The following KRT23 variants were observed in gnomAD, a reference collection of about 807,000 sequenced individuals.
KRT23 encodes keratin 23, also known as keratin, type I cytoskeletal 23.
In KRT23, 38 loss-of-function variants were observed where a neutral mutation model predicts 47.6. The observed-to-expected ratio is 0.80, with a 90% CI of 0.62 to 1.05. The LOEUF is 1.05. Among genes scored for constraint, KRT23 ranks in the 50% least tolerant of loss-of-function variants. The pLI, the probability that KRT23 is intolerant of heterozygous loss-of-function variation, is 0.00. For missense variants in KRT23, 503 were observed against 529.5 expected (o/e 0.95, Z 0.49); for synonymous variants, 191 against 199.0 (o/e 0.96, Z 0.34).
In KRT23 at chr17:40,925,484, C is replaced by T; in HGVS notation, c.1012G>A (p.Glu338Lys). The change falls in exon 7 of 9, where the codon GAG (glutamate) becomes AAG (lysine). Residue 338 changes from glutamate (E) to lysine (K), a missense_variant. By Grantham distance (56) the Glu-to-Lys change is moderately conservative (BLOSUM62 1). Coordinates refer to ENST00000209718, the MANE Select transcript of KRT23 (RefSeq NM_015515.5). ...DMQEIISHYE[E>K]ELTQLRHELE... is the part of the protein sequence containing the mutation. ...TCATGGCGTAGCTGCGTCAGTTCCTCCTCATAGTGGGAGATGATCTCTTGC... is the reference window on the plus strand; with the variant it reads ...TCATGGCGTAGCTGCGTCAGTTCCTTCTCATAGTGGGAGATGATCTCTTGC... The T allele has an allele frequency of 6.2e-7, 1 of 1,614,152 alleles. No homozygotes were observed. Among genetic ancestry groups the T allele is most frequent in the Non-Finnish European group, 8.5e-7 (1 of 1,180,004 alleles).
rs1211761893 is a variant in KRT23 at position 40,923,065 on chromosome 17, A to T, written c.1193T>A (p.Ile398Asn). The T allele has an allele frequency of 6.2e-7, 1 of 1,613,560 alleles. No individual in the cohort carries two copies. Among genetic ancestry groups the T allele is most frequent in the Admixed American group, 1.7e-5 (1 of 60,018 alleles). Residue 398 changes from isoleucine (I) to asparagine (N), a missense_variant, in exon 9 of 9, where the codon ATC becomes AAC. Ile to Asn is a moderately radical substitution (Grantham distance 149). Transcript: ENST00000209718. ...SSMKVSATPKIKAITQETING... is the reference protein window; with the variant it reads ...SSMKVSATPKNKAITQETING... ...GATGGTCTCCTGGGTTATGGCCTTG[A>T]TCTTTGGAGTTGCAGACACTGAGAA... is the stretch of plus-strand genomic sequence containing the variant.
chr17:40,923,181 C>T, intron 8 of KRT23, 98 bp from the exon 9 acceptor site: 1 of 846,712 alleles, frequency 1.2e-6, no homozygotes, highest in Non-Finnish European at 1.9e-6. Flanking sequence ...TGAAGGCTCT[C>T]AGTGCCTTCC....
At chr17:40,926,019 A>C (rs963510562) in intron 6 of KRT23, among the ~76,000 whole-genome samples, 1 of 150,574 alleles carries the variant, frequency 6.6e-6, no homozygotes, top group Non-Finnish European at 1.5e-5. Context: ...GGGACATGCA[A>C]AAAAAATTGC....
chr17:40,924,328 A>G, intron 8 of KRT23, 144 bp downstream of exon 8: 1 of 628,050 alleles, frequency 1.6e-6, no homozygotes, highest in East Asian at 2.8e-5. Context: ...TGTATTAGCT[A>G]ATTTGTTCAT....
At chr17:40,928,762 G>C (rs1358293383) in intron 4 of KRT23, 155 bp from the exon 5 acceptor site, 4 of 631,336 alleles carry the variant, frequency 6.3e-6, no homozygotes, top group South Asian at 2.2e-5. Context: ...TTACTTACTT[G>C]TTGGTGATAA....
intron 6 of KRT23, 22 bp downstream of exon 6, chr17:40,928,216 G>C (rs371474469): frequency 2.2e-5 from 36 of 1,613,564 alleles, no homozygotes; most frequent in Non-Finnish European, 3.0e-5. Flanking sequence ...TGGGATTCAC[G>C]GTTTTCCTAG....
At position 40,928,554 on chromosome 17, in the gene KRT23, A is replaced by T. The variant is rs188613400; in HGVS notation, c.690T>A (p.Asp230Glu). 4.3e-6 allele frequency: 7 copies of T among 1,613,870 alleles called. No homozygotes were observed. In the African/African-American group the frequency reaches 9.3e-5, roughly 22 times the overall value. Residue 230 changes from aspartate (D) to glutamate (E), a missense_variant, in exon 5 of 9, where the codon GAT becomes GAA. Coordinates refer to ENST00000209718, the MANE Select transcript of KRT23 (RefSeq NM_015515.5). ...TAATCAGATCTTCCCTGGGACCTGT[A>T]TCCACCTTCACATTGACATTGAAGT... ...PSDFNVNVKV[D>E]TGPREDLIKV... is the part of the protein sequence containing the mutation.
intron 2 of KRT23, 152 bp downstream of exon 2, chr17:40,936,056 A>G (rs1434490245): frequency 2.1e-5 from 16 of 751,426 alleles, no homozygotes; most frequent in Non-Finnish European, 3.2e-5. Context: ...TTTAAGATAT[A>G]ATAAGAAAAC....
intron 6 of KRT23, 21 bp from the exon 7 acceptor site, chr17:40,925,595 C>T (rs750034019): frequency 1.3e-6 from 2 of 1,555,646 alleles, no homozygotes; most frequent in East Asian, 2.3e-5. Context: ...AAATGATCTT[C>T]TGTTAATTAA....
At chr17:40,932,841 C>T (rs940807454) in intron 2 of KRT23, among the ~76,000 whole-genome samples, 1 of 152,192 alleles carries the variant, frequency 6.6e-6, no homozygotes, top group East Asian at 1.9e-4. Flanking sequence ...TTAGAGATGG[C>T]ATGAATGCTG....
rs1456420483 is a variant in KRT23, at chr17:40,936,756, C to T, written c.-153G>A. Reference sequence around the variant, plus strand: ...GTACCAACAAGATTGTATCATTGTGCAACTTGTGTTTCCTCTTGGTCAATC... The same window carrying T: ...GTACCAACAAGATTGTATCATTGTGTAACTTGTGTTTCCTCTTGGTCAATC... On this transcript the variant is annotated 5_prime_UTR_variant, in exon 2 of 9. Transcript: ENST00000209718. 5 of 681,406 alleles carry T rather than the reference C, an allele frequency of 7.3e-6. No homozygotes were observed. The highest frequency in any genetic ancestry group is 8.7e-6 in the Non-Finnish European group (4 of 457,750). The allele number at this position is 681,406 out of a possible 1,614,324, so 42.2% of individuals were successfully genotyped here.
intron 6 of KRT23, 101 bp from the exon 7 acceptor site, chr17:40,925,675 T>A: frequency 1.2e-6 from 1 of 868,440 alleles, no homozygotes; most frequent in Non-Finnish European, 1.8e-6. Context: ...GTTGGCTAGG[T>A]GTCTTGGTAG....
rs1027493255 is a variant in KRT23 at position 40,937,387 on chromosome 17, A to C, written c.-392T>G. ...GCCTTTCATCCCAGCACACCTCAAA[A>C]CCAAACAACCCTGGCCTGCGCTCAG... On this transcript the variant is annotated 5_prime_UTR_variant, in exon 1 of 9. Transcript: ENST00000209718. The C allele has an allele frequency of 5.9e-5, 9 of 152,146 alleles. No individual in the cohort carries two copies. The highest frequency in any genetic ancestry group is 1.9e-4 in the African/African-American group (8 of 41,412). 9.4% of individuals were successfully genotyped at this position (152,146 alleles called of 1,614,324 possible). A position where few individuals can be genotyped will look rare whatever the true frequency, so the allele number is the denominator to read the frequency against.
chr17:40,923,875 G>C (rs1220526829), intron 8 of KRT23, among the ~76,000 whole-genome samples: 2 of 152,214 alleles, frequency 1.3e-5, no homozygotes, highest in Non-Finnish European at 2.9e-5. Flanking sequence ...CAACTTTTCT[G>C]TGAGATATTA....
intron 2 of KRT23, among the ~76,000 whole-genome samples, chr17:40,935,724 G>A (rs761342353): frequency 9.9e-5 from 15 of 152,270 alleles, no homozygotes; most frequent in Non-Finnish European, 1.6e-4. Context: ...GCCTTTTGTC[G>A]ATGGATAACC....
chr17:40,929,892 G>T (rs761666768), intron 4 of KRT23, 48 bp downstream of exon 4: 4 of 1,553,582 alleles, frequency 2.6e-6, no homozygotes, highest in Non-Finnish European at 3.5e-6. Context: ...CCTGAGATGT[G>T]CAGGCTAAGA....
At chr17:40,931,687 G>C (rs1285204212) in intron 2 of KRT23, among the ~76,000 whole-genome samples, 1 of 152,156 alleles carries the variant, frequency 6.6e-6, no homozygotes, top group Non-Finnish European at 1.5e-5. Context: ...CAGTGTTACT[G>C]CCTTTTTTCT....
intron 2 of KRT23, among the ~76,000 whole-genome samples, chr17:40,934,032 T>A (rs1034493503): frequency 1.3e-5 from 2 of 152,256 alleles, no homozygotes; most frequent in Non-Finnish European, 2.9e-5. Flanking sequence ...ATGATACTCC[T>A]ATGACTGTGT....
intron 1 of KRT23, 23 bp downstream of exon 1, chr17:40,937,323 A>G (rs746549048): frequency 2.0e-5 from 3 of 152,326 alleles, no homozygotes; most frequent in East Asian, 3.9e-4. Flanking sequence ...TTATAGATGT[A>G]ATTAATTAAT....
Sources: allele counts gnomAD v4.1 joint callset (sites outside exome capture counted in the v4.1 genomes callset), GRCh38; gene constraint gnomAD v4.1.1; transcripts MANE v1.5; gene names NCBI Gene and HGNC (gene_info 2026-07-23, HGNC 2026-07-21).